The following SCUBE2 variants were observed in gnomAD, a reference collection of about 807,000 sequenced individuals.
SCUBE2 encodes signal peptide, CUB domain and EGF like domain containing 2, also known as signal peptide, CUB and EGF-like domain-containing protein 2.
In SCUBE2, 114 loss-of-function variants were observed where a neutral mutation model predicts 125.9. The observed-to-expected ratio is 0.91, with a 90% CI of 0.78 to 1.06. The LOEUF (loss-of-function observed/expected upper bound fraction) is 1.06, where lower values mean the gene tolerates loss of function less well. Ranked by LOEUF, SCUBE2 falls within the 50% of genes least tolerant of loss-of-function variation. The pLI is 0.00. For synonymous variants in SCUBE2, 459 were observed against 492.9 expected, an observed-to-expected ratio of 0.93 and a Z score of 0.91; for missense variants, 1,255 against 1,301.8, an observed-to-expected ratio of 0.96 and a Z score of 0.55.
Position 9,069,437 on chromosome 11 carries a change from T to G in SCUBE2, c.576A>C (p.Pro192=). The change falls in exon 5 of 23, where the codon CCA becomes CCC. Residue 192 remains proline (P), a synonymous_variant. Coordinates refer to ENST00000649792, the MANE Select transcript of SCUBE2 (RefSeq NM_001367977.2). ...HGCSHICKEA[P]RGSVACECRP... ...TGCACTCACAGGCGACGCTGCCCCT[T>G]GGGGCCTCCTTGCAGATGTGACTAC... is the stretch of plus-strand genomic sequence containing the variant. 6.2e-7 allele frequency: 1 copy of G among 1,614,252 alleles called. No homozygotes were observed. The highest frequency in any genetic ancestry group is 8.5e-7 in the Non-Finnish European group (1 of 1,180,036).
intron 2 of SCUBE2, among the ~76,000 whole-genome samples, chr11:9,086,852 CAAAAAAA>C (rs56266805): frequency 9.1e-6 from 1 of 109,992 alleles, no homozygotes; most frequent in Non-Finnish European, 1.9e-5. Flanking sequence ...GACTCTATCT[CAAAAAAA>C]AAAAAAAAAA....
At chr11:9,027,619 C>G in intron 19 of SCUBE2, 58 bp from the exon 20 acceptor site, 1 of 1,493,080 alleles carries the variant, frequency 6.7e-7, no homozygotes, top group Non-Finnish European at 9.1e-7. Flanking sequence ...TCCTGACCAC[C>G]GCTAGCTTGC....
intron 22 of SCUBE2, among the ~76,000 whole-genome samples, chr11:9,021,595 T>C (rs1042153405): frequency 2.0e-5 from 3 of 152,230 alleles, no homozygotes; most frequent in African/African-American, 7.2e-5. Flanking sequence ...TTGGAATTAA[T>C]AGAAAAACAT....
chr11:9,069,062 G>C (rs929136093), intron 5 of SCUBE2, among the ~76,000 whole-genome samples: 7 of 152,220 alleles, frequency 4.6e-5, no homozygotes, highest in African/African-American at 1.4e-4. Flanking sequence ...AAAGAGCTGT[G>C]ATTGCCAGAT....
intron 13 of SCUBE2, among the ~76,000 whole-genome samples, chr11:9,052,140 A>G (rs537116470): frequency 2.0e-5 from 3 of 152,330 alleles, no homozygotes; most frequent in South Asian, 2.1e-4. Context: ...GGTAGCTGGC[A>G]TATTTGAATT....
intron 3 of SCUBE2, among the ~76,000 whole-genome samples, chr11:9,078,956 C>T (rs1861417300): frequency 6.6e-6 from 1 of 152,048 alleles, no homozygotes; most frequent in Non-Finnish European, 1.5e-5. Flanking sequence ...TAGTTTCTCT[C>T]TTTTTCAAGA....
chr11:9,063,224 C>T (rs748111807), intron 7 of SCUBE2, among the ~76,000 whole-genome samples: 24 of 151,466 alleles, frequency 1.6e-4, no homozygotes, highest in African/African-American at 3.4e-4. Context: ...CCAGCCTGGG[C>T]GACAGAACAA....
intron 14 of SCUBE2, among the ~76,000 whole-genome samples, chr11:9,048,393 T>A (rs1391008766): frequency 6.6e-6 from 1 of 152,204 alleles, no homozygotes; most frequent in African/African-American, 2.4e-5. Context: ...GAACCAGGGA[T>A]TGTCTTGCAT....
At position 9,019,821 on chromosome 11, in the gene SCUBE2, G is replaced by T. The variant is rs956822177; in HGVS notation, c.*1224C>A. ...CCATCCATTAGGGAAGTGGTGGCTT[G>T]TTTGATTGGATTCCTTTTTATTCAC... On this transcript the variant is annotated 3_prime_UTR_variant, in exon 23 of 23. Coordinates refer to ENST00000649792, the MANE Select transcript of SCUBE2 (RefSeq NM_001367977.2). Among the ~76,000 whole-genome samples the T allele has an allele frequency of 6.6e-6, 1 of 152,154 alleles. No homozygotes were observed. The highest frequency in any genetic ancestry group is 1.5e-5 in the Non-Finnish European group (1 of 68,040).
At chr11:9,049,408 TA>T (rs1322778501) in intron 14 of SCUBE2, among the ~76,000 whole-genome samples, 1 of 152,100 alleles carries the variant, frequency 6.6e-6, no homozygotes, top group Non-Finnish European at 1.5e-5. Context: ...TAGGCCCGGC[TA>T]ATTTTTTTAT....
In SCUBE2 at chr11:9,029,972, CT is replaced by C. The variant is rs781274623; in HGVS notation, c.2414del (p.Gln805ArgfsTer26). ...RCIRCPVGTY[Q>X]PEFGKNNCVS... ...CACAATTATTTTTTCCAAATTCAGG[CT>C]GGTATGTTCCCACTGGGCAACGAAT... On this transcript the variant is annotated frameshift_variant, in exon 19 of 23. Coordinates refer to ENST00000649792, the MANE Select transcript of SCUBE2 (RefSeq NM_001367977.2). LOFTEE classifies it high-confidence loss of function. 6.2e-7 allele frequency: 1 copy of C among 1,614,048 alleles called. No individual in the cohort carries two copies. Among genetic ancestry groups the C allele is most frequent in the African/African-American group, 1.3e-5 (1 of 74,918 alleles).
Position 9,028,335 on chromosome 11 carries a change from C to T in SCUBE2, c.2504-774G>A, listed in dbSNP as rs7131116. Among the ~76,000 whole-genome samples the T allele has an allele frequency of 8.6e-3, 1,307 of 152,292 alleles. 15 individuals carry two copies. Among genetic ancestry groups the T allele is most frequent in the African/African-American group, 0.028 (1,174 of 41,544 alleles). ...CAGGCATGAGCCACTGCACCCAACC[C>T]ACATTTTATTTTTAAGGAAGGAAGA... On this transcript the variant is annotated intron_variant, in intron 19 of 22. Transcript: ENST00000649792.
At chr11:9,029,733 A>G (rs1856123275) in intron 19 of SCUBE2, 151 bp downstream of exon 19, 2 of 824,700 alleles carry the variant, frequency 2.4e-6, no homozygotes, top group Non-Finnish European at 4.0e-6. Flanking sequence ...CTCTCTCTCC[A>G]TGCTGGTCTG....
chr11:9,087,682 G>C (rs930745382), intron 2 of SCUBE2, among the ~76,000 whole-genome samples: 19 of 152,154 alleles, frequency 1.2e-4, no homozygotes, highest in Admixed American at 2.6e-4. Context: ...GATATCCCAA[G>C]GGGTGTCACC....
chr11:9,091,402 GCGGCCCCGCGGCA>G lies in SCUBE2; in HGVS notation c.114_126del (p.Ala39ArgfsTer4). ...CCCGCGGCCGGACACTCACCCTCCT[GCGGCCCCGCGGCA>G]CGGCCCCGACCCGGCGGGACGGCCC... On this transcript the variant is annotated frameshift_variant, in exon 1 of 23. Transcript: ENST00000649792. LOFTEE classifies it high-confidence loss of function. This position sits in a 1 kb window ranked among gnomAD's most constrained non-coding sequence, Gnocchi z 8.5. 7.7e-7 allele frequency: 1 copy of G among 1,306,836 alleles called. No individual in the cohort carries two copies. The highest frequency in any genetic ancestry group is 9.7e-7 in the Non-Finnish European group (1 of 1,033,682). The allele number at this position is 1,306,836 out of a possible 1,614,324, so 81.0% of individuals were successfully genotyped here. A position where few individuals can be genotyped will look rare whatever the true frequency, so the allele number is the denominator to read the frequency against.
intron 2 of SCUBE2, among the ~76,000 whole-genome samples, chr11:9,081,029 AAC>A (rs1371294231): frequency 1.2e-4 from 19 of 152,240 alleles, no homozygotes; most frequent in Admixed American, 1.0e-3. Flanking sequence ...TGCAAATTAA[AAC>A]CACAATGAGA....
chr11:9,079,610 A>G, intron 2 of SCUBE2, 101 bp from the exon 3 acceptor site: 2 of 1,230,990 alleles, frequency 1.6e-6, no homozygotes, highest in Non-Finnish European at 2.3e-6. Context: ...ATCTACCTGA[A>G]AATACATCCC....
intron 5 of SCUBE2, 54 bp from the exon 6 acceptor site, chr11:9,066,867 G>A: frequency 7.3e-7 from 1 of 1,371,358 alleles, no homozygotes; most frequent in Non-Finnish European, 1.0e-6. Context: ...CAAACACAGG[G>A]CTGTGTTTGC....
At chr11:9,068,695 C>T (rs1860494138) in intron 5 of SCUBE2, among the ~76,000 whole-genome samples, 1 of 152,224 alleles carries the variant, frequency 6.6e-6, no homozygotes, top group South Asian at 2.1e-4. Flanking sequence ...TTGCCACTCA[C>T]TCCCTGTGTG....
Sources: allele counts gnomAD v4.1 joint callset (sites outside exome capture counted in the v4.1 genomes callset), GRCh38; gene constraint gnomAD v4.1.1; non-coding constraint Gnocchi (gnomAD v3.1); transcripts MANE v1.5; gene names NCBI Gene and HGNC (gene_info 2026-07-23, HGNC 2026-07-21).